The following RUFY3 variants were observed in gnomAD, a reference collection of about 807,000 sequenced individuals.
RUFY3 encodes the protein protein RUFY3.
In RUFY3, 34 loss-of-function variants were observed where a neutral mutation model predicts 84.0. That is an observed-to-expected ratio of 0.40 (90% confidence interval 0.31 to 0.54). RUFY3 has a LOEUF of 0.54. Ranked by LOEUF, RUFY3 falls within the 20% of genes least tolerant of loss-of-function variation. RUFY3 has a pLI of 0.39. For synonymous variants in RUFY3, 242 were observed against 252.9 expected, an observed-to-expected ratio of 0.96 and a Z score of 0.41; for missense variants, 507 against 736.8, an observed-to-expected ratio of 0.69 and a Z score of 3.61.
intron 10 of RUFY3, among the ~76,000 whole-genome samples, chr4:70,785,721 C>T (rs1219059213): frequency 6.6e-6 from 1 of 151,932 alleles, no homozygotes; most frequent in African/African-American, 2.4e-5. Context: ...CCTGTAATCC[C>T]AGCTACTTGG....
intron 1 of RUFY3, among the ~76,000 whole-genome samples, chr4:70,735,414 G>A (rs1006339557): frequency 7.9e-5 from 12 of 152,200 alleles, no homozygotes; most frequent in African/African-American, 2.7e-4. Context: ...AGGATTTGAT[G>A]AGCTTAGAAA....
Position 70,783,087 on chromosome 4 carries a change from A to G in RUFY3, c.895-4A>G, listed in dbSNP as rs1163479265. The G allele has an allele frequency of 1.9e-6, 3 of 1,575,816 alleles. No individual in the cohort carries two copies. Among genetic ancestry groups the G allele is most frequent in the African/African-American group, 2.7e-5 (2 of 73,204 alleles). On this transcript the variant is annotated splice_polypyrimidine_tract_variant and splice_region_variant and intron_variant, in intron 8 of 17. Coordinates refer to ENST00000381006, the MANE Select transcript of RUFY3 (RefSeq NM_001037442.4). Reference sequence around the variant, plus strand: ...AAAGATTATTTTTAAAATTTTATCCACAGCTTGCAGTTGCAAACAACAGGA... The same window carrying G: ...AAAGATTATTTTTAAAATTTTATCCGCAGCTTGCAGTTGCAAACAACAGGA...
intron 15 of RUFY3, among the ~76,000 whole-genome samples, chr4:70,801,715 G>C: frequency 6.6e-6 from 1 of 152,142 alleles, no homozygotes; most frequent in South Asian, 2.1e-4. Flanking sequence ...CAGGTGCTTG[G>C]CCTAAATGTC....
exon 1 of RUFY3, chr4:70,705,141 T>C: frequency 6.9e-7 from 1 of 1,453,888 alleles, no homozygotes; most frequent in South Asian, 1.3e-5. Flanking sequence ...CTTCCTGCTG[T>C]ACCCCGGCGA....
intron 1 of RUFY3, among the ~76,000 whole-genome samples, chr4:70,733,630 C>T (rs916886386): frequency 1.3e-5 from 2 of 152,082 alleles, no homozygotes; most frequent in Non-Finnish European, 1.5e-5. Context: ...TTGTAGAACA[C>T]CTTACACTAA....
chr4:70,781,753 A>G (rs1190382166), intron 8 of RUFY3, among the ~76,000 whole-genome samples: 1 of 152,220 alleles, frequency 6.6e-6, no homozygotes, highest in African/African-American at 2.4e-5. Flanking sequence ...TTACCATGTT[A>G]GGACAGGAAC....
At chr4:70,800,339 TGAAGTG>T (rs1164925380) in intron 15 of RUFY3, 134 bp downstream of exon 15, 2 of 641,900 alleles carry the variant, frequency 3.1e-6, no homozygotes, top group African/African-American at 3.8e-5. Context: ...GGAAGACATT[TGAAGTG>T]GAAGTTAATA....
At chr4:70,758,732 G>GA in intron 1 of RUFY3, among the ~76,000 whole-genome samples, 1 of 150,302 alleles carries the variant, frequency 6.7e-6, no homozygotes, top group South Asian at 2.1e-4. Flanking sequence ...CTAGCTATTT[G>GA]AAAATATAAA....
intron 1 of RUFY3, among the ~76,000 whole-genome samples, chr4:70,728,473 T>C (rs1718674801): frequency 6.6e-6 from 1 of 152,220 alleles, no homozygotes; most frequent in South Asian, 2.1e-4. Flanking sequence ...AAAGTTGAAA[T>C]ATCGGAAGTT....
At chr4:70,770,877 T>C (rs1216490351) in intron 5 of RUFY3, among the ~76,000 whole-genome samples, 2 of 152,174 alleles carry the variant, frequency 1.3e-5, no homozygotes, top group Admixed American at 1.3e-4. Context: ...CAATTCTTCC[T>C]TTCACTTGAA....
intron 1 of RUFY3, among the ~76,000 whole-genome samples, chr4:70,745,850 C>T (rs1370411819): frequency 1.3e-5 from 2 of 152,184 alleles, no homozygotes; most frequent in Non-Finnish European, 2.9e-5. Flanking sequence ...CTTTGCGGGG[C>T]CGAGGCAGGC....
chr4:70,800,314 A>T, intron 15 of RUFY3, 109 bp downstream of exon 15: 1 of 709,622 alleles, frequency 1.4e-6, no homozygotes, highest in Non-Finnish European at 2.3e-6. Context: ...ACTGACTTAT[A>T]ATATTAATAT....
chr4:70,789,985 G>A (rs1235086771), intron 12 of RUFY3: 1 of 710,680 alleles, frequency 1.4e-6, no homozygotes, highest in East Asian at 1.3e-4. Context: ...GGATGCTAGG[G>A]GATATAGAGG....
upstream of RUFY3, chr4:70,704,189 A>G (rs1341443217): frequency 6.6e-6 from 1 of 152,238 alleles, no homozygotes; most frequent in Non-Finnish European, 1.5e-5. Context: ...AAAACCAGGG[A>G]ATTAAAGTCA....
At chr4:70,717,528 A>G (rs1240118398), upstream of RUFY3, among the ~76,000 whole-genome samples, 1 of 152,086 alleles carries the variant, frequency 6.6e-6, no homozygotes, top group African/African-American at 2.4e-5. Context: ...AATTTCTTCA[A>G]ATCTTAAATT....
chr4:70,799,600 A>G (rs562842927), intron 14 of RUFY3: 4 of 153,204 alleles, frequency 2.6e-5, no homozygotes, highest in African/African-American at 9.6e-5. Context: ...AGGCTGAGAC[A>G]CAAGAATCGC....
At chr4:70,781,984 G>A (rs1158983877) in intron 8 of RUFY3, among the ~76,000 whole-genome samples, 12 of 152,194 alleles carry the variant, frequency 7.9e-5, no homozygotes, top group Admixed American at 5.2e-4. Context: ...TGCTAATAAC[G>A]TTACCTGATC....
chr4:70,751,687 G>A (rs1001108939), intron 1 of RUFY3, among the ~76,000 whole-genome samples: 18 of 152,084 alleles, frequency 1.2e-4, no homozygotes, highest in African/African-American at 3.9e-4. Flanking sequence ...CATTCTGTGG[G>A]TTGTCTTTTC....
chr4:70,792,842 T>C (rs1233556704), intron 12 of RUFY3: 8 of 985,290 alleles, frequency 8.1e-6, no homozygotes, highest in Admixed American at 6.1e-5. Flanking sequence ...CCTGTGCTCT[T>C]GAACTTATTT....
Sources: gnomAD v4.1 joint callset for allele counts (sites outside exome capture counted in the v4.1 genomes callset) on GRCh38, gnomAD v4.1.1 for gene constraint, MANE v1.5 for transcripts, NCBI Gene and HGNC (gene_info 2026-07-23, HGNC 2026-07-21) for gene names.